Variants in CLDN10 observed in about 807,000 individuals in gnomAD.
The protein encoded by CLDN10 is claudin 10.
CLDN10 carries 15 observed loss-of-function variants against 22.9 expected under a neutral mutation model. The observed-to-expected ratio is 0.65, with a 90% confidence interval of 0.44 to 1.01. The LOEUF (loss-of-function observed/expected upper bound fraction) is 1.01. CLDN10 is among the 50% of genes least tolerant of loss of function. The pLI, the probability that CLDN10 is intolerant of heterozygous loss-of-function variation, is 0.00. For synonymous variants in CLDN10, 114 were observed against 111.4 expected (o/e 1.02, Z -0.15); for missense variants, 247 against 287.8 (o/e 0.86, Z 1.03).
At chr13:95,481,815 T>A (rs1297313732) in intron 1 of CLDN10, among the ~76,000 whole-genome samples, 2 of 151,860 alleles carry the variant, frequency 1.3e-5, no homozygotes, top group Non-Finnish European at 2.9e-5. Flanking sequence ...AGATCAGGAG[T>A]TGGAGACCAG....
upstream of CLDN10, among the ~76,000 whole-genome samples, chr13:95,550,312 C>T (rs894527737): frequency 1.3e-5 from 2 of 152,126 alleles, no homozygotes; most frequent in African/African-American, 2.4e-5. Context: ...TTCTTTAAAA[C>T]AAACAATGTG....
rs575710521 is a variant in CLDN10 at position 95,518,407 on chromosome 13, C to T, written c.215-41725C>T. ...ACAATTATTTACATGAGAACATTTGCAAAACCTGGATTTACCAACTGCAGT... is the reference window on the plus strand; with the variant it reads ...ACAATTATTTACATGAGAACATTTGTAAAACCTGGATTTACCAACTGCAGT... On this transcript the variant is annotated intron_variant, in intron 1 of 4. Coordinates refer to the CLDN10 transcript ENST00000376873. Among the ~76,000 whole-genome samples, 28 of 152,204 alleles carry T rather than the reference C, an allele frequency of 1.8e-4. 1 individual carries two copies. The East Asian group carries it at 5.0e-3, about 27-fold the overall frequency.
intron 1 of CLDN10, among the ~76,000 whole-genome samples, chr13:95,504,270 T>C (rs1162135103): frequency 6.6e-6 from 1 of 152,254 alleles, no homozygotes; most frequent in Non-Finnish European, 1.5e-5. Flanking sequence ...TTCTCTTCTG[T>C]CTGCCTACAT....
At chr13:95,493,165 A>G (rs779902816) in intron 1 of CLDN10, among the ~76,000 whole-genome samples, 1 of 152,020 alleles carries the variant, frequency 6.6e-6, no homozygotes, top group Admixed American at 6.6e-5. Flanking sequence ...GCAACTCTGC[A>G]GTTCCACCTC....
chr13:95,526,531 G>A (rs1430081747), intron 1 of CLDN10, among the ~76,000 whole-genome samples: 1 of 152,132 alleles, frequency 6.6e-6, no homozygotes, highest in Admixed American at 6.5e-5. Context: ...CGGAGTTTAG[G>A]CCTGGCTGCC....
At chr13:95,464,877 G>A (rs1272094120) in intron 1 of CLDN10, among the ~76,000 whole-genome samples, 1 of 152,082 alleles carries the variant, frequency 6.6e-6, no homozygotes, top group Non-Finnish European at 1.5e-5. Context: ...AATTACAGGT[G>A]TGCAGCACAT....
intron 3 of CLDN10, among the ~76,000 whole-genome samples, chr13:95,576,368 T>G (rs917271601): frequency 2.0e-5 from 3 of 152,158 alleles, no homozygotes; most frequent in Admixed American, 1.3e-4. Flanking sequence ...GCAATGGAAG[T>G]TTATGGGCCC....
chr13:95,560,309 C>G lies in CLDN10; in HGVS notation c.382+16C>G, dbSNP rs1270595576. 1 of 1,613,714 alleles carries G rather than the reference C, an allele frequency of 6.2e-7. No individual in the cohort carries two copies. The highest frequency in any genetic ancestry group is 2.2e-5 in the East Asian group (1 of 44,882). ...ATACTGTCAGGTAAATAGTAACTTT[C>G]TTCCAAACAAGGTACTTGATGATGT... On this transcript the variant is annotated intron_variant, in intron 2 of 4. Transcript: ENST00000299339.
At chr13:95,564,784 T>G (rs1004460429) in intron 3 of CLDN10, among the ~76,000 whole-genome samples, 6 of 152,200 alleles carry the variant, frequency 3.9e-5, no homozygotes, top group African/African-American at 1.4e-4. Flanking sequence ...GCTTCTAGCA[T>G]GGACTTGGAG....
intron 1 of CLDN10, among the ~76,000 whole-genome samples, chr13:95,521,474 T>A (rs976930976): frequency 2.0e-5 from 3 of 152,184 alleles, no homozygotes; most frequent in Non-Finnish European, 4.4e-5. Flanking sequence ...GTTACTGTGA[T>A]GAATTACATT....
chr13:95,575,229 C>A (rs549985546), intron 3 of CLDN10, among the ~76,000 whole-genome samples: 1 of 152,110 alleles, frequency 6.6e-6, no homozygotes, highest in Admixed American at 6.6e-5. Context: ...AAATAGAAAG[C>A]GTTATACAAT....
chr13:95,446,564 G>A (rs1166180851), intron 1 of CLDN10, among the ~76,000 whole-genome samples: 1 of 152,206 alleles, frequency 6.6e-6, no homozygotes, highest in Non-Finnish European at 1.5e-5. Flanking sequence ...TAAGAAGGTT[G>A]GACGCAGTGG....
At chr13:95,562,939 A>G (rs899736061) in intron 3 of CLDN10, among the ~76,000 whole-genome samples, 4 of 152,172 alleles carry the variant, frequency 2.6e-5, no homozygotes, top group East Asian at 1.9e-4. Context: ...GTGTAGTGCC[A>G]TTGGAATTTC....
At chr13:95,474,156 C>G (rs2042662467) in intron 1 of CLDN10, among the ~76,000 whole-genome samples, 1 of 152,208 alleles carries the variant, frequency 6.6e-6, no homozygotes, top group Non-Finnish European at 1.5e-5. Context: ...TTTACTGAAA[C>G]TAGACGGTCC....
At chr13:95,493,281 C>A (rs1313292289) in intron 1 of CLDN10, among the ~76,000 whole-genome samples, 2 of 151,932 alleles carry the variant, frequency 1.3e-5, no homozygotes, top group African/African-American at 4.8e-5. Context: ...ACCCACCTGG[C>A]CCTAATTTTT....
At chr13:95,552,473 G>C (rs2043576502), upstream of CLDN10, among the ~76,000 whole-genome samples, 1 of 152,198 alleles carries the variant, frequency 6.6e-6, no homozygotes, top group Admixed American at 6.5e-5. Flanking sequence ...GCGGCCCTTT[G>C]GCTCAGGGGA....
Position 95,481,629 on chromosome 13 carries a change from C to T in CLDN10, c.214+47582C>T, listed in dbSNP as rs575884424. ...TAAGAGAATGAGCATGGCTGTGTTC[C>T]AGGAAAACTTCATTTGTGAACACTG... On this transcript the variant is annotated intron_variant, in intron 1 of 4. Coordinates refer to the CLDN10 transcript ENST00000376873. Among the ~76,000 whole-genome samples, 15 of 152,322 alleles carry T rather than the reference C, an allele frequency of 9.8e-5. No homozygotes were observed. The East Asian group carries it at 1.9e-3, about 20-fold the overall frequency.
chr13:95,500,591 A>C (rs1030090199), intron 1 of CLDN10, among the ~76,000 whole-genome samples: 35 of 152,252 alleles, frequency 2.3e-4, no homozygotes, highest in African/African-American at 8.2e-4. Flanking sequence ...GTAAGGGAGG[A>C]GGTCTCTGGC....
intron 1 of CLDN10, among the ~76,000 whole-genome samples, chr13:95,541,056 G>A (rs1233972599): frequency 1.3e-5 from 2 of 152,252 alleles, no homozygotes; most frequent in Non-Finnish European, 2.9e-5. Context: ...GAATGCAGCA[G>A]CTGTGCATGC....
Sources: gnomAD v4.1 joint callset for allele counts (sites outside exome capture counted in the v4.1 genomes callset) on GRCh38, gnomAD v4.1.1 for gene constraint, MANE v1.5 for transcripts, NCBI Gene and HGNC (gene_info 2026-07-23, HGNC 2026-07-21) for gene names.